Variants in RBM47 observed in about 807,000 individuals in gnomAD.
RBM47 encodes RNA binding motif protein 47.
In RBM47, 21 loss-of-function variants were observed where a neutral mutation model predicts 47.1. That is an observed-to-expected ratio of 0.45 (90% CI 0.32 to 0.64). The LOEUF (loss-of-function observed/expected upper bound fraction) is 0.64, where lower values mean the gene tolerates loss of function less well. Among genes scored for constraint, RBM47 ranks in the 30% least tolerant of loss-of-function variants. RBM47 has a pLI of 0.05. For synonymous variants in RBM47, 375 were observed against 361.7 expected (o/e 1.04, Z -0.42); for missense variants, 708 against 870.9 (o/e 0.81, Z 2.35).
chr4:40,430,279 T>C (rs1715776241), intron 6 of RBM47, among the ~76,000 whole-genome samples: 2 of 151,130 alleles, frequency 1.3e-5, no homozygotes, highest in Admixed American at 1.3e-4. Flanking sequence ...CAACAGCCAG[T>C]GCGGACTGAT....
At chr4:40,427,744 TTC>T (rs1353832442) in intron 6 of RBM47, among the ~76,000 whole-genome samples, 1 of 152,120 alleles carries the variant, frequency 6.6e-6, no homozygotes, top group African/African-American at 2.4e-5. Flanking sequence ...TAGCTCTAAT[TTC>T]TGTTACAAAA....
chr4:40,487,510 T>C (rs779521171), intron 2 of RBM47, among the ~76,000 whole-genome samples: 1 of 152,096 alleles, frequency 6.6e-6, no homozygotes, highest in African/African-American at 2.4e-5. Context: ...AGGCTGGTCT[T>C]GAACTCCTGA....
intron 3 of RBM47, among the ~76,000 whole-genome samples, chr4:40,463,543 G>A (rs1157140060): frequency 6.6e-6 from 1 of 152,116 alleles, no homozygotes; most frequent in Non-Finnish European, 1.5e-5. Context: ...TGCAAGAAAT[G>A]AACATAAGTG....
intron 2 of RBM47, among the ~76,000 whole-genome samples, chr4:40,520,238 T>C (rs1726069823): frequency 6.6e-6 from 1 of 152,218 alleles, no homozygotes; most frequent in Non-Finnish European, 1.5e-5. Flanking sequence ...AGAGACTAAA[T>C]TATGTGTCCC....
At chr4:40,493,353 G>A (rs1409985051) in intron 2 of RBM47, among the ~76,000 whole-genome samples, 1 of 152,184 alleles carries the variant, frequency 6.6e-6, no homozygotes, top group Non-Finnish European at 1.5e-5. Flanking sequence ...TGGTTGAGGA[G>A]GAGGAAGAAG....
rs539869157 is a variant in RBM47, at chr4:40,455,309, C to T, written c.-32+11268G>A. On this transcript the variant is annotated intron_variant, in intron 3 of 6. Coordinates refer to ENST00000295971, the MANE Select transcript of RBM47 (RefSeq NM_001098634.2). ...GGACTGTGATGAGGCAGTGATTCCA[C>T]GCCCAGGCTCTGGAGCCAGACTGCC... Among the ~76,000 whole-genome samples, 4 of 152,352 alleles carry T rather than the reference C, an allele frequency of 2.6e-5. No individual in the cohort carries two copies. In the South Asian group the frequency reaches 8.3e-4, roughly 32 times the overall value.
intron 1 of RBM47, among the ~76,000 whole-genome samples, chr4:40,588,894 C>G (rs1733849138): frequency 6.6e-6 from 1 of 150,718 alleles, no homozygotes; most frequent in Non-Finnish European, 1.5e-5. Flanking sequence ...CTTTCAGTCC[C>G]TTTTTGTGTG....
At chr4:40,600,855 G>A (rs1165920610) in intron 1 of RBM47, among the ~76,000 whole-genome samples, 1 of 151,204 alleles carries the variant, frequency 6.6e-6, no homozygotes, top group East Asian at 2.0e-4. Context: ...CGTGGTGCCA[G>A]GCACCTGTAA....
In RBM47 at chr4:40,498,054, T is replaced by TATATATATA. The variant is rs1553890650; in HGVS notation, c.-154-31356_-154-31355insTATATATAT. 8.5e-3 allele frequency among the ~76,000 whole-genome samples: 932 copies of TATATATATA among 109,792 alleles called. 18 individuals are homozygous for TATATATATA. Among genetic ancestry groups the TATATATATA allele is most frequent in the East Asian group, 0.027 (111 of 4,156 alleles). The allele number at this position is 109,792 out of a possible 152,430, so 72.0% of individuals were successfully genotyped here. A position where few individuals can be genotyped will look rare whatever the true frequency, so the allele number is the denominator to read the frequency against. On this transcript the variant is annotated intron_variant, in intron 2 of 6. Coordinates refer to ENST00000295971, the MANE Select transcript of RBM47 (RefSeq NM_001098634.2). ...TGCAAATAAAATGTAAGTGCTTGTT[T>TATATATATA]TATATATATATATATATATATATAT...
intron 6 of RBM47, among the ~76,000 whole-genome samples, chr4:40,426,521 C>G (rs1405988940): frequency 6.6e-6 from 1 of 152,168 alleles, no homozygotes; most frequent in Non-Finnish European, 1.5e-5. Flanking sequence ...AACCTATGCA[C>G]ATCCTCCTGT....
intron 1 of RBM47, among the ~76,000 whole-genome samples, chr4:40,593,516 A>T (rs948284277): frequency 6.6e-6 from 1 of 152,052 alleles, no homozygotes; most frequent in African/African-American, 2.4e-5. Context: ...CAGGTGGATC[A>T]CCTGAGGTCG....
chr4:40,483,459 A>G (rs1042482891), intron 2 of RBM47, among the ~76,000 whole-genome samples: 1 of 152,198 alleles, frequency 6.6e-6, no homozygotes, highest in Non-Finnish European at 1.5e-5. Context: ...CACCCAGGAG[A>G]GGACTTCAAG....
chr4:40,476,723 T>G (rs1719658015), intron 2 of RBM47, among the ~76,000 whole-genome samples: 2 of 152,158 alleles, frequency 1.3e-5, no homozygotes, highest in African/African-American at 4.8e-5. Flanking sequence ...TGAAGTTGCC[T>G]GGAGGAGGTC....
At chr4:40,568,738 T>G (rs1731347695) in intron 1 of RBM47, among the ~76,000 whole-genome samples, 1 of 151,838 alleles carries the variant, frequency 6.6e-6, no homozygotes, top group Non-Finnish European at 1.5e-5. Flanking sequence ...AGTATAGTGT[T>G]GGGAGGCCGA....
intron 2 of RBM47, among the ~76,000 whole-genome samples, chr4:40,539,870 A>G (rs1340364832): frequency 1.3e-5 from 2 of 152,058 alleles, no homozygotes; most frequent in African/African-American, 2.4e-5. Context: ...CAATTCCAAA[A>G]TATGAAGAGC....
chr4:40,507,262 C>A (rs1724233300), intron 2 of RBM47, among the ~76,000 whole-genome samples: 1 of 152,034 alleles, frequency 6.6e-6, no homozygotes, highest in Admixed American at 6.5e-5. Flanking sequence ...TGGCCTTAAG[C>A]ACGTCCATAA....
In RBM47 at chr4:40,477,995, C is replaced by T. The variant is rs1054645784; in HGVS notation, c.-154-11296G>A. The stretch of plus-strand genomic sequence containing the variant: ...CAGTAGAAAAGTCATGCCACATGAG[C>T]CATGTGGCATGTTCTTTTTTTTTTT... On this transcript the variant is annotated intron_variant, in intron 2 of 6. Transcript: ENST00000295971. Among the ~76,000 whole-genome samples the T allele has an allele frequency of 7.5e-5, 11 of 147,626 alleles. No individual in the cohort carries two copies. In the East Asian group the frequency reaches 1.6e-3, roughly 21 times the overall value.
chr4:40,559,303 G>A (rs1486873319), intron 1 of RBM47, among the ~76,000 whole-genome samples: 1 of 152,188 alleles, frequency 6.6e-6, no homozygotes, highest in African/African-American at 2.4e-5. Flanking sequence ...AAATCAGGCT[G>A]TGTTTCTCAA....
At chr4:40,485,866 C>A (rs1163790346) in intron 2 of RBM47, among the ~76,000 whole-genome samples, 4 of 150,174 alleles carry the variant, frequency 2.7e-5, no homozygotes, top group Admixed American at 2.7e-4. Context: ...TTGAGACCAG[C>A]CTGGGCAACA....
Sources: allele counts gnomAD v4.1 joint callset (sites outside exome capture counted in the v4.1 genomes callset), GRCh38; gene constraint gnomAD v4.1.1; transcripts MANE v1.5; gene names NCBI Gene and HGNC (gene_info 2026-07-23, HGNC 2026-07-21).